CACNA1H: variants seen among roughly 807,000 people sequenced by gnomAD.
CACNA1H encodes voltage-dependent T-type calcium channel subunit alpha-1H.
Under a neutral mutation model 192.5 loss-of-function variants are expected in CACNA1H, and 149 were observed. The observed-to-expected ratio is 0.77, with a 90% CI of 0.68 to 0.89. The LOEUF (loss-of-function observed/expected upper bound fraction) is 0.89. Ranked by LOEUF, CACNA1H falls within the 40% of genes least tolerant of loss-of-function variation. The pLI, the probability that CACNA1H is intolerant of heterozygous loss-of-function variation, is 0.00. For missense variants in CACNA1H, 4,257 were observed against 3,423.5 expected (o/e 1.24, Z -6.08); for synonymous variants, 2,202 against 1,475.2 (o/e 1.49, Z -11.29).
Position 1,220,473 on chromosome 16 carries a change from G to C in CACNA1H, c.6541G>C (p.Ala2181Pro). 1 of 1,546,952 alleles carries C rather than the reference G, an allele frequency of 6.5e-7. No homozygotes were observed. Among genetic ancestry groups the C allele is most frequent in the East Asian group, 2.3e-5 (1 of 44,318 alleles). Reference protein sequence around the residue: ...WGPEAEPALGARRKKKMSPPC... With the variant: ...WGPEAEPALGPRRKKKMSPPC... ...CCCTGAGGCCGAGCCCGCTCTGGGT[G>C]CGCGCAGAAAGAAGAAGATGAGCCC... The change falls in exon 35 of 35, where the codon GCG becomes CCG. Residue 2181 changes from alanine to proline, a missense_variant. Transcript: ENST00000348261.
intron 11 of CACNA1H, 74 bp from the exon 12 acceptor site, chr16:1,206,030 C>A: frequency 7.0e-7 from 1 of 1,429,458 alleles, no homozygotes; most frequent in South Asian, 1.3e-5. Context: ...GGCTGGTGAC[C>A]CTGCTTCCAG....
rs766404227 is a variant in CACNA1H at position 1,209,346 on chromosome 16, C to T, written c.3678C>T (p.Ser1226=). The T allele has an allele frequency of 9.4e-6, 15 of 1,597,894 alleles. No individual in the cohort carries two copies. Among genetic ancestry groups the T allele is most frequent in the African/African-American group, 8.0e-5 (6 of 74,922 alleles). Reference sequence around the variant, plus strand: ...ACGGGCAGGTGGTGGCCCTGCCCAGCGACTTCTTCCTGCGCATCGACAGCC... The same window carrying T: ...ACGGGCAGGTGGTGGCCCTGCCCAGTGACTTCTTCCTGCGCATCGACAGCC... ...DRDGQVVALP[S]DFFLRIDSHR... is the part of the protein sequence containing the mutation. Residue 1226 remains serine (S), a synonymous_variant, in exon 17 of 35, where the codon AGC becomes AGT. Transcript: ENST00000348261.
intron 2 of CACNA1H, among the ~76,000 whole-genome samples, chr16:1,175,934 A>G (rs1219454552): frequency 2.0e-5 from 3 of 152,034 alleles, no homozygotes; most frequent in African/African-American, 2.4e-5. Context: ...AACAGCCTGG[A>G]GTTTGACCCC....
At chr16:1,158,683 G>A (rs965333422) in intron 2 of CACNA1H, among the ~76,000 whole-genome samples, 2 of 152,300 alleles carry the variant, frequency 1.3e-5, no homozygotes, top group East Asian at 1.9e-4. Flanking sequence ...GGCAGGGACC[G>A]TGCGCCTCCC....
chr16:1,179,076 G>A (rs975032073), intron 2 of CACNA1H, among the ~76,000 whole-genome samples: 1 of 152,224 alleles, frequency 6.6e-6, no homozygotes, highest in African/African-American at 2.4e-5. Flanking sequence ...GGCTGTGGCG[G>A]GTGTAGGGTT....
intron 2 of CACNA1H, among the ~76,000 whole-genome samples, chr16:1,184,831 G>T (rs149834521): frequency 1.0e-3 from 154 of 152,368 alleles, no homozygotes; most frequent in African/African-American, 3.5e-3. Context: ...GCCATTTAAA[G>T]GCAAAGCTGG....
At position 1,198,751 on chromosome 16, in the gene CACNA1H, C is replaced by T. The variant is rs1257224911; in HGVS notation, c.780C>T (p.Cys260=). Residue 260 remains cysteine, a synonymous_variant, in exon 6 of 35, where the codon TGC becomes TGT. Transcript: ENST00000348261. ...QLWAGLLRNR[C]FLDSAFVRNN... ...GGGCTGGCCTCCTGCGGAACCGCTG[C>T]TTCCTGGACAGTGCCTTTGTCAGGT... 6.2e-7 allele frequency: 1 copy of T among 1,612,222 alleles called. No individual in the cohort carries two copies. Among genetic ancestry groups the T allele is most frequent in the Non-Finnish European group, 8.5e-7 (1 of 1,179,404 alleles).
intron 8 of CACNA1H, among the ~76,000 whole-genome samples, chr16:1,201,281 G>T (rs17793904): frequency 6.6e-6 from 1 of 152,046 alleles, no homozygotes; most frequent in East Asian, 1.9e-4. Context: ...CAAGCGAAGC[G>T]AACGATTAGA....
In CACNA1H at chr16:1,180,305, C is replaced by T. The variant is rs376212877; in HGVS notation, c.300-14667C>T. Reference sequence around the variant, plus strand: ...GTCGCCCACAGAGCATAATGTGAGGCGAGAGGGACTCGGGCTGCTGTGGGC... The same window carrying T: ...GTCGCCCACAGAGCATAATGTGAGGTGAGAGGGACTCGGGCTGCTGTGGGC... On this transcript the variant is annotated intron_variant, in intron 2 of 34. Transcript: ENST00000348261. The surrounding 1 kb of genome is among the most constrained non-coding windows in gnomAD (Gnocchi z 4.4). Among the ~76,000 whole-genome samples, 59 of 152,300 alleles carry T rather than the reference C, an allele frequency of 3.9e-4. No homozygotes were observed. The East Asian group carries it at 5.4e-3, about 14-fold the overall frequency.
At chr16:1,172,799 C>G (rs1240641001) in intron 2 of CACNA1H, among the ~76,000 whole-genome samples, 1 of 152,078 alleles carries the variant, frequency 6.6e-6, no homozygotes, top group Non-Finnish European at 1.5e-5. Flanking sequence ...CCCGAGGGCT[C>G]CTGTCCAGGC....
Position 1,217,935 on chromosome 16 carries a change from C to A in CACNA1H, c.5340C>A (p.Asn1780Lys). The change falls in exon 32 of 35, where the codon AAC (asparagine) becomes AAA (lysine). Residue 1780 changes from asparagine (N) to lysine (K), a missense_variant. Physicochemically the swap from Asn to Lys is moderately conservative, Grantham distance 94 (BLOSUM62 0). Transcript: ENST00000348261. The part of the protein sequence containing the change: ...LFGRLECSED[N>K]PCEGLSRHAT... ...TCCCCGCAGAGTGCAGTGAAGACAA[C>A]CCCTGCGAGGGCCTGAGCAGGCACG... is the stretch of plus-strand genomic sequence containing the variant. 1 of 1,605,090 alleles carries A rather than the reference C, an allele frequency of 6.2e-7. No individual in the cohort carries two copies. Among genetic ancestry groups the A allele is most frequent in the South Asian group, 1.1e-5 (1 of 89,438 alleles).
chr16:1,195,205 G>A, intron 3 of CACNA1H, 122 bp downstream of exon 3: 1 of 900,522 alleles, frequency 1.1e-6, no homozygotes, highest in Non-Finnish European at 1.7e-6. Context: ...TCAGGGTCGG[G>A]GATCAGGGCG....
At chr16:1,196,903 C>G (rs967197681) in intron 5 of CACNA1H, among the ~76,000 whole-genome samples, 11 of 152,194 alleles carry the variant, frequency 7.2e-5, no homozygotes, top group African/African-American at 2.2e-4. Flanking sequence ...GAGGCCGTAC[C>G]AGGCGCGAGT....
In CACNA1H at chr16:1,218,012, C is replaced by G; in HGVS notation, c.5417C>G (p.Thr1806Arg). Residue 1806 changes from threonine (T) to arginine (R), a missense_variant, in exon 32 of 35, where the codon ACG becomes AGG. By Grantham distance (71) the Thr-to-Arg change is moderately conservative. Coordinates refer to ENST00000348261, the MANE Select transcript of CACNA1H (RefSeq NM_021098.3). ...TTCCTCACGCTGTTCCGCGTGTCCA[C>G]GGGGGACAACTGGAACGGGATCATG... The part of the protein sequence containing the change: ...MAFLTLFRVS[T>R]GDNWNGIMKD... 1 of 1,601,254 alleles carries G rather than the reference C, an allele frequency of 6.2e-7. No homozygotes were observed. The highest frequency in any genetic ancestry group is 8.5e-7 in the Non-Finnish European group (1 of 1,174,402).
chr16:1,200,949 C>CG, intron 8 of CACNA1H, 141 bp downstream of exon 8: 1 of 266,304 alleles, frequency 3.8e-6, no homozygotes, highest in South Asian at 4.3e-5. Flanking sequence ...GCAGAGCTTG[C>CG]GGGGGTGGGG....
chr16:1,205,944 G>A (rs553916849), intron 11 of CACNA1H, among the ~76,000 whole-genome samples, 160 bp from the exon 12 acceptor site: 17 of 152,314 alleles, frequency 1.1e-4, no homozygotes, highest in South Asian at 2.1e-4. Flanking sequence ...AGGTGCTTCC[G>A]CAGCTGTTCA....
chr16:1,195,984 C>A lies in CACNA1H; in HGVS notation c.604C>A (p.Arg202=), dbSNP rs760462130. Reference sequence around the variant, plus strand: ...GAGCCTCTCGGCTATCAGGACCGTGCGGGTGCTGCGGCCCCTCCGCGCCAT... The same window carrying A: ...GAGCCTCTCGGCTATCAGGACCGTGAGGGTGCTGCGGCCCCTCCGCGCCAT... The part of the protein sequence containing the change: ...NVSLSAIRTV[R]VLRPLRAINR... Residue 202 remains arginine (R), a synonymous_variant, in exon 5 of 35, where the codon CGG becomes AGG. Coordinates refer to ENST00000348261, the MANE Select transcript of CACNA1H (RefSeq NM_021098.3). 4.2e-5 allele frequency: 68 copies of A among 1,613,000 alleles called. No individual in the cohort carries two copies. The highest frequency in any genetic ancestry group is 5.7e-5 in the Non-Finnish European group (67 of 1,179,782).
Position 1,220,555 on chromosome 16 carries a change from C to A in CACNA1H, c.6623C>A (p.Ala2208Glu). The A allele has an allele frequency of 1.3e-6, 2 of 1,530,312 alleles. No individual in the cohort carries two copies. Among genetic ancestry groups the A allele is most frequent in the Non-Finnish European group, 1.7e-6 (2 of 1,145,204 alleles). 94.8% of individuals were successfully genotyped at this position (1,530,312 alleles called of 1,614,324 possible). ...AEDEGSARPS[A>E]AEGGSTTLRR... ...GACGAGGGCTCTGCGCGGCCCTCCG[C>A]GGCAGAGGGCGGCAGCACCACACTG... is the stretch of plus-strand genomic sequence containing the variant. Residue 2208 changes from alanine (A) to glutamate (E), a missense_variant, in exon 35 of 35, where the codon GCG becomes GAG. Physicochemically the swap from Ala to Glu is moderately radical, Grantham distance 107 (BLOSUM62 -1). Coordinates refer to ENST00000348261, the MANE Select transcript of CACNA1H (RefSeq NM_021098.3).
At chr16:1,198,365 T>G (rs1210800448) in intron 5 of CACNA1H, among the ~76,000 whole-genome samples, 1 of 152,172 alleles carries the variant, frequency 6.6e-6, no homozygotes, top group Non-Finnish European at 1.5e-5. Flanking sequence ...GGTGGAGACC[T>G]GGCGCCCCGC....
Sources: gnomAD v4.1 joint callset for allele counts (sites outside exome capture counted in the v4.1 genomes callset) on GRCh38, gnomAD v4.1.1 for gene constraint, Gnocchi (gnomAD v3.1) non-coding constraint, MANE v1.5 for transcripts, NCBI Gene and HGNC (gene_info 2026-07-23, HGNC 2026-07-21) for gene names.